Variants in PHF24 observed in about 807,000 individuals in gnomAD.
PHF24 encodes PHD finger protein 24, also known as Galpha inhibitory interacting protein.
Under a neutral mutation model 42.6 loss-of-function variants are expected in PHF24, and 25 were observed. The observed-to-expected ratio is 0.59, with a 90% CI of 0.43 to 0.82. The LOEUF (loss-of-function observed/expected upper bound fraction) is 0.82. Ranked by LOEUF, PHF24 falls within the 40% of genes least tolerant of loss-of-function variation. The probability of loss-of-function intolerance (pLI) is 0.00; values close to 1 mark genes in which losing one functional copy is unlikely to be tolerated. For missense variants in PHF24, 470 were observed against 538.1 expected, an observed-to-expected ratio of 0.87 and a Z score of 1.25; for synonymous variants, 185 against 204.8, an observed-to-expected ratio of 0.90 and a Z score of 0.83.
the PHF24 span, among the ~76,000 whole-genome samples, chr9:34,915,026 C>CTTTTTTTT: frequency 1.6e-4 from 6 of 37,456 alleles, no homozygotes; most frequent in African/African-American, 3.6e-4. Context: ...TTTTTCTTTT[C>CTTTTTTTT]TTTTTTTTTT....
the PHF24 span, among the ~76,000 whole-genome samples, chr9:34,670,739 CAG>C: frequency 6.6e-6 from 1 of 152,114 alleles, no homozygotes; most frequent in South Asian, 2.1e-4. Flanking sequence ...AGATTAGGGT[CAG>C]AGGTAGGAAT....
chr9:34,738,270 G>A, the PHF24 span, among the ~76,000 whole-genome samples: 1 of 151,814 alleles, frequency 6.6e-6, no homozygotes, highest in East Asian at 1.9e-4. Flanking sequence ...CCACTCACTT[G>A]GGGGTGATTT....
the PHF24 span, among the ~76,000 whole-genome samples, chr9:34,705,216 A>G: frequency 6.6e-6 from 1 of 152,104 alleles, no homozygotes; most frequent in Admixed American, 6.5e-5. Context: ...ATCTATTTTT[A>G]TTGAAATATT....
At chr9:34,834,767 G>T in the PHF24 span, 1 of 1,542,576 alleles carries the variant, frequency 6.5e-7, no homozygotes, top group Non-Finnish European at 8.7e-7. Flanking sequence ...AGTCAGAAAT[G>T]GGACATTGAT....
the PHF24 span, among the ~76,000 whole-genome samples, chr9:34,905,402 A>G: frequency 6.6e-6 from 1 of 152,258 alleles, no homozygotes; most frequent in African/African-American, 2.4e-5. Flanking sequence ...TTTGTTGAAT[A>G]AAACACTGTA....
At chr9:34,968,646 G>A (rs1480566655) in intron 1 of PHF24, among the ~76,000 whole-genome samples, 1 of 152,246 alleles carries the variant, frequency 6.6e-6, no homozygotes, top group Admixed American at 6.5e-5. Context: ...GCACATACAA[G>A]CAGTGTTTCC....
At chr9:34,836,009 A>C in the PHF24 span, 1 of 665,398 alleles carries the variant, frequency 1.5e-6, no homozygotes, top group Non-Finnish European at 2.8e-6. Flanking sequence ...GGATCTGTAC[A>C]TAGGATTCGC....
chr9:34,959,754 G>A (rs868552987), intron 1 of PHF24, among the ~76,000 whole-genome samples: 2 of 152,190 alleles, frequency 1.3e-5, no homozygotes, highest in Non-Finnish European at 2.9e-5. Flanking sequence ...TCTGGGTGTG[G>A]TTTTTGACAG....
the PHF24 span, among the ~76,000 whole-genome samples, chr9:34,872,416 C>T: frequency 7.2e-6 from 1 of 138,202 alleles, no homozygotes. Context: ...TCCATGTGAT[C>T]TCATTGTTCA....
At chr9:34,878,745 G>C in the PHF24 span, among the ~76,000 whole-genome samples, 1 of 152,234 alleles carries the variant, frequency 6.6e-6, no homozygotes, top group Non-Finnish European at 1.5e-5. Flanking sequence ...GCCCACCACA[G>C]CTCAAGGAGG....
chr9:34,972,218 G>A, intron 2 of PHF24, 128 bp from the exon 3 acceptor site: 1 of 786,808 alleles, frequency 1.3e-6, no homozygotes, highest in Non-Finnish European at 2.0e-6. Flanking sequence ...AATGGCTTCA[G>A]TTGGGGCTGT....
the PHF24 span, among the ~76,000 whole-genome samples, chr9:34,666,847 G>A: frequency 1.3e-5 from 2 of 152,212 alleles, no homozygotes; most frequent in Admixed American, 1.3e-4. Context: ...TCGGGAGGCT[G>A]AGGCAGAGAA....
the PHF24 span, among the ~76,000 whole-genome samples, chr9:34,728,295 G>A: frequency 6.6e-6 from 1 of 152,200 alleles, no homozygotes; most frequent in African/African-American, 2.4e-5. Context: ...GATTGAGGCA[G>A]GATTGTCAGT....
the PHF24 span, among the ~76,000 whole-genome samples, chr9:34,790,999 T>C: frequency 6.6e-6 from 1 of 152,226 alleles, no homozygotes; most frequent in Non-Finnish European, 1.5e-5. Context: ...TGTAGGGGCT[T>C]GTAGGCCAAG....
At chr9:34,917,531 C>T in the PHF24 span, 49 of 775,200 alleles carry the variant, frequency 6.3e-5, no homozygotes, top group East Asian at 1.2e-4. Flanking sequence ...CACCTGTAAA[C>T]GGATAATCGA....
At chr9:34,873,172 G>A in the PHF24 span, among the ~76,000 whole-genome samples, 2 of 151,326 alleles carry the variant, frequency 1.3e-5, no homozygotes. Context: ...CACTCTGATG[G>A]TAGTTTCTTT....
At chr9:34,808,944 G>A in the PHF24 span, among the ~76,000 whole-genome samples, 5 of 150,556 alleles carry the variant, frequency 3.3e-5, no homozygotes, top group South Asian at 2.1e-4. Flanking sequence ...GCTAGATGAC[G>A]AGTAAGTGGG....
At chr9:34,916,715 A>G in the PHF24 span, among the ~76,000 whole-genome samples, 3 of 152,312 alleles carry the variant, frequency 2.0e-5, no homozygotes, top group East Asian at 5.8e-4. Context: ...GGTAAGTGCT[A>G]TTCATATTTT....
At chr9:34,734,903 C>A in the PHF24 span, among the ~76,000 whole-genome samples, 1 of 152,194 alleles carries the variant, frequency 6.6e-6, no homozygotes, top group Admixed American at 6.5e-5. Context: ...AAACCTCTGG[C>A]AAACCAGCCT....
Sources: allele counts gnomAD v4.1 joint callset (sites outside exome capture counted in the v4.1 genomes callset), GRCh38; gene constraint gnomAD v4.1.1; transcripts MANE v1.5; gene names NCBI Gene and HGNC (gene_info 2026-07-23, HGNC 2026-07-21).